Variants in EPHB2 observed in about 807,000 individuals in gnomAD.
EPHB2 encodes the protein ephrin type-B receptor 2.
A neutral mutation model predicts 96.4 loss-of-function variants in EPHB2; 18 were observed. That is an observed-to-expected ratio of 0.19 (90% CI 0.13 to 0.28). The LOEUF (loss-of-function observed/expected upper bound fraction) is 0.28. Ranked by LOEUF, EPHB2 falls within the 10% of genes least tolerant of loss-of-function variation. The pLI is 1.00. For missense variants in EPHB2, 989 were observed against 1,355.4 expected, an observed-to-expected ratio of 0.73 and a Z score of 4.25; for synonymous variants, 506 against 534.1, an observed-to-expected ratio of 0.95 and a Z score of 0.72.
chr1:22,807,523 A>G (rs896639354), intron 3 of EPHB2, among the ~76,000 whole-genome samples: 6 of 152,156 alleles, frequency 3.9e-5, no homozygotes, highest in African/African-American at 1.2e-4. Flanking sequence ...CCTAGAAGTC[A>G]AAAGGTCAGC....
rs181323429 is a variant in EPHB2 at position 22,859,981 on chromosome 1, T to C, written c.812-3056T>C. Among the ~76,000 whole-genome samples, 344 of 152,306 alleles carry C rather than the reference T, an allele frequency of 2.3e-3. 7 individuals carry two copies. Among genetic ancestry groups the C allele is most frequent in the Non-Finnish European group, 8.1e-4 (55 of 68,028 alleles). On this transcript the variant is annotated intron_variant, in intron 3 of 15. Transcript: ENST00000374630. ...ACCACGCATCGACTTTCTGTCTCTT[T>C]CGATGTGCCTGTGCTGGGCCTGTTT...
At chr1:22,823,787 T>C (rs1188574915) in intron 3 of EPHB2, among the ~76,000 whole-genome samples, 1 of 152,258 alleles carries the variant, frequency 6.6e-6, no homozygotes, top group South Asian at 2.1e-4. Context: ...CTGTTTTCCT[T>C]CTCTACCCCA....
intron 5 of EPHB2, among the ~76,000 whole-genome samples, chr1:22,878,862 C>T (rs1163219720): frequency 4.6e-5 from 7 of 152,234 alleles, no homozygotes; most frequent in Admixed American, 3.3e-4. Flanking sequence ...TGAGCGAGCA[C>T]ACCTGGCAGC....
intron 8 of EPHB2, among the ~76,000 whole-genome samples, chr1:22,895,969 G>A (rs1639546185): frequency 6.6e-6 from 1 of 152,252 alleles, no homozygotes; most frequent in Admixed American, 6.5e-5. Flanking sequence ...GACTTAGGAG[G>A]AGGAGGGGGG....
intron 1 of EPHB2, among the ~76,000 whole-genome samples, chr1:22,724,225 T>C (rs1643532297): frequency 6.6e-6 from 1 of 152,200 alleles, no homozygotes; most frequent in African/African-American, 2.4e-5. Context: ...CTGCTCCCCT[T>C]TCCCCCTTGC....
At chr1:22,766,954 C>T (rs1206833175) in intron 1 of EPHB2, among the ~76,000 whole-genome samples, 2 of 152,202 alleles carry the variant, frequency 1.3e-5, no homozygotes, top group East Asian at 1.9e-4. Context: ...CTGTGGCCTC[C>T]GGCTCTCATG....
At chr1:22,793,543 G>A (rs539175715) in intron 3 of EPHB2, among the ~76,000 whole-genome samples, 1 of 152,158 alleles carries the variant, frequency 6.6e-6, no homozygotes, top group African/African-American at 2.4e-5. Flanking sequence ...CTAGCCTCTT[G>A]CTTATCCCCA....
chr1:22,754,869 A>T (rs1644121515), intron 1 of EPHB2, among the ~76,000 whole-genome samples: 1 of 8,096 alleles, frequency 1.2e-4, no homozygotes, highest in South Asian at 3.8e-3. Context: ...AGGTGAGGCA[A>T]GGGGCAGGTG....
chr1:22,749,264 GCCCACCTTGGCTT>G (rs1644025784), intron 1 of EPHB2, among the ~76,000 whole-genome samples: 1 of 152,066 alleles, frequency 6.6e-6, no homozygotes, highest in Admixed American at 6.5e-5. Context: ...CAAGCGATCT[GCCCACCTTGGCTT>G]CCCAAAGTAC....
intron 6 of EPHB2, chr1:22,891,022 C>T: frequency 2.2e-6 from 1 of 453,350 alleles, no homozygotes; most frequent in Non-Finnish European, 4.4e-6. Flanking sequence ...GTCACATGTC[C>T]CTCGGTATGT....
chr1:22,850,462 C>T (rs942228523), intron 3 of EPHB2, among the ~76,000 whole-genome samples: 1 of 152,224 alleles, frequency 6.6e-6, no homozygotes, highest in African/African-American at 2.4e-5. Flanking sequence ...CCTCGGTGGC[C>T]CACTACACCA....
intron 1 of EPHB2, among the ~76,000 whole-genome samples, chr1:22,716,218 G>A (rs1643292064): frequency 6.6e-6 from 1 of 152,182 alleles, no homozygotes; most frequent in South Asian, 2.1e-4. Flanking sequence ...TAAGTCCTGG[G>A]GATCTTTGTT....
intron 3 of EPHB2, among the ~76,000 whole-genome samples, chr1:22,803,041 A>G (rs1021576748): frequency 6.6e-6 from 1 of 152,132 alleles, no homozygotes; most frequent in African/African-American, 2.4e-5. Context: ...GGAGTCCCAG[A>G]GGCCTTTCTA....
At chr1:22,853,051 C>T (rs1645646148) in intron 3 of EPHB2, among the ~76,000 whole-genome samples, 2 of 152,244 alleles carry the variant, frequency 1.3e-5, no homozygotes. Flanking sequence ...TGAGCTTAAG[C>T]ACAAGATTCC....
chr1:22,862,942 C>G, intron 3 of EPHB2, 95 bp from the exon 4 acceptor site: 1 of 1,525,682 alleles, frequency 6.6e-7, no homozygotes, highest in South Asian at 1.1e-5. Flanking sequence ...GGCCCCTCCG[C>G]GAGGCTGTGT....
chr1:22,813,101 A>G (rs1240702051), intron 3 of EPHB2, among the ~76,000 whole-genome samples: 1 of 152,192 alleles, frequency 6.6e-6, no homozygotes, highest in Non-Finnish European at 1.5e-5. Context: ...TTATAATTCT[A>G]TAAAGTCTAG....
intron 3 of EPHB2, among the ~76,000 whole-genome samples, chr1:22,805,475 C>T (rs1644912111): frequency 6.6e-6 from 1 of 152,118 alleles, no homozygotes; most frequent in Non-Finnish European, 1.5e-5. Flanking sequence ...CCCTCCCTTT[C>T]AGGAGCTGAC....
At chr1:22,850,228 C>T (rs1645605231) in intron 3 of EPHB2, among the ~76,000 whole-genome samples, 1 of 152,204 alleles carries the variant, frequency 6.6e-6, no homozygotes, top group Non-Finnish European at 1.5e-5. Flanking sequence ...CCCCAAATCC[C>T]AGCAGGGGTG....
intron 9 of EPHB2, among the ~76,000 whole-genome samples, chr1:22,897,782 G>T (rs190930075): frequency 6.6e-6 from 1 of 150,994 alleles, no homozygotes; most frequent in East Asian, 1.9e-4. Flanking sequence ...GCAAGACTCT[G>T]TCTCAAAATA....
Sources: gnomAD v4.1 joint callset for allele counts (sites outside exome capture counted in the v4.1 genomes callset) on GRCh38, gnomAD v4.1.1 for gene constraint, MANE v1.5 for transcripts, NCBI Gene and HGNC (gene_info 2026-07-23, HGNC 2026-07-21) for gene names.